The following CSMD1 variants were observed in gnomAD, a reference collection of about 807,000 sequenced individuals.
CSMD1 encodes CUB and Sushi multiple domains 1, also known as CUB and sushi domain-containing protein 1.
CSMD1 carries 213 observed loss-of-function variants against 417.5 expected under a neutral mutation model. The ratio of observed to expected loss-of-function variants is 0.51; its 90% confidence interval spans 0.46 to 0.57. The LOEUF (loss-of-function observed/expected upper bound fraction) is 0.57. CSMD1 is among the 20% of genes least tolerant of loss of function. The pLI is 0.00. For missense variants in CSMD1, 6,923 were observed against 4,529.7 expected, an observed-to-expected ratio of 1.53 and a Z score of -15.17; for synonymous variants, 2,862 against 1,736.8, an observed-to-expected ratio of 1.65 and a Z score of -16.11.
chr8:3,547,452 C>T (rs559237868), intron 10 of CSMD1, among the ~76,000 whole-genome samples: 1 of 152,220 alleles, frequency 6.6e-6, no homozygotes, highest in African/African-American at 2.4e-5. Flanking sequence ...ATAAACGGAT[C>T]AGTAGGTCAA....
chr8:4,262,569 C>G (rs141234114), intron 3 of CSMD1, among the ~76,000 whole-genome samples: 1 of 152,126 alleles, frequency 6.6e-6, no homozygotes, highest in Non-Finnish European at 1.5e-5. Flanking sequence ...GGGACACACA[C>G]GGAGGAAACT....
At chr8:3,696,185 G>A (rs1800542520) in intron 7 of CSMD1, among the ~76,000 whole-genome samples, 1 of 152,184 alleles carries the variant, frequency 6.6e-6, no homozygotes, top group African/African-American at 2.4e-5. Context: ...CATGGTTGAT[G>A]TTATTCCATA....
chr8:4,532,573 C>T (rs544964874), intron 2 of CSMD1, among the ~76,000 whole-genome samples: 4 of 147,972 alleles, frequency 2.7e-5, no homozygotes, highest in African/African-American at 7.6e-5. Context: ...AGAAATCCTG[C>T]ACCCCCATTC....
intron 3 of CSMD1, among the ~76,000 whole-genome samples, chr8:4,246,184 C>T (rs1248570013): frequency 6.6e-6 from 1 of 152,126 alleles, no homozygotes; most frequent in Non-Finnish European, 1.5e-5. Context: ...AATATTCCAT[C>T]CTCCAAAAGG....
At chr8:3,829,327 C>G (rs1802237995) in intron 5 of CSMD1, among the ~76,000 whole-genome samples, 1 of 152,166 alleles carries the variant, frequency 6.6e-6, no homozygotes, top group Admixed American at 6.6e-5. Context: ...AATCACCTTT[C>G]CATAACCAGG....
chr8:4,800,982 C>T (rs979925438), intron 1 of CSMD1, among the ~76,000 whole-genome samples: 2 of 152,120 alleles, frequency 1.3e-5, no homozygotes, highest in Non-Finnish European at 2.9e-5. Context: ...AGTTTTATCC[C>T]AAGTTGTAAG....
chr8:3,773,275 G>A (rs1445226146), intron 5 of CSMD1, among the ~76,000 whole-genome samples: 1 of 152,158 alleles, frequency 6.6e-6, no homozygotes, highest in South Asian at 2.1e-4. Context: ...ATAATTTGGG[G>A]ATATAATAGG....
At chr8:3,254,540 A>T (rs1004303098) in intron 26 of CSMD1, among the ~76,000 whole-genome samples, 1 of 152,292 alleles carries the variant, frequency 6.6e-6, no homozygotes, top group Middle Eastern at 3.4e-3. Flanking sequence ...GTCTTTTCAC[A>T]TAGTCCCATA....
intron 50 of CSMD1, among the ~76,000 whole-genome samples, chr8:3,030,754 G>C (rs1265894522): frequency 2.0e-5 from 3 of 151,870 alleles, no homozygotes; most frequent in African/African-American, 7.3e-5. Context: ...CAAAGTGCTG[G>C]GATTACAGGA....
intron 5 of CSMD1, among the ~76,000 whole-genome samples, chr8:3,987,110 A>G (rs2627387): frequency 3.9e-5 from 6 of 151,956 alleles, no homozygotes; most frequent in Non-Finnish European, 5.9e-5. Flanking sequence ...CTTTCTCCCA[A>G]CTTACTGGAA....
At chr8:3,292,934 C>T (rs919803491) in intron 25 of CSMD1, among the ~76,000 whole-genome samples, 2 of 151,970 alleles carry the variant, frequency 1.3e-5, no homozygotes, top group African/African-American at 2.4e-5. Flanking sequence ...ATGGTCTTTA[C>T]ATTTTGGCAT....
At chr8:4,951,847 A>C (rs568275311) in intron 1 of CSMD1, among the ~76,000 whole-genome samples, 1 of 54,540 alleles carries the variant, frequency 1.8e-5, no homozygotes, top group Non-Finnish European at 5.0e-5. Context: ...AACAAAGTTA[A>C]TACACTGAAG....
intron 2 of CSMD1, among the ~76,000 whole-genome samples, chr8:4,525,087 C>A: frequency 6.6e-6 from 1 of 152,110 alleles, no homozygotes; most frequent in Admixed American, 6.5e-5. Flanking sequence ...AATACATCAA[C>A]CTTTCTGAAA....
chr8:3,689,321 T>C (rs1366310603), intron 7 of CSMD1, among the ~76,000 whole-genome samples: 1 of 152,152 alleles, frequency 6.6e-6, no homozygotes, highest in Admixed American at 6.6e-5. Flanking sequence ...CTCCAGATGA[T>C]CTAGTTAACT....
At chr8:4,959,911 C>G (rs1056018083) in intron 1 of CSMD1, among the ~76,000 whole-genome samples, 1 of 152,116 alleles carries the variant, frequency 6.6e-6, no homozygotes, top group African/African-American at 2.4e-5. Context: ...ACAATCTTCC[C>G]TATTTTCTGC....
At chr8:2,977,687 A>G (rs1161184787) in intron 55 of CSMD1, among the ~76,000 whole-genome samples, 1 of 152,224 alleles carries the variant, frequency 6.6e-6, no homozygotes, top group Non-Finnish European at 1.5e-5. Context: ...CCATCTGACA[A>G]AGGTCTAATA....
At chr8:4,072,589 G>T (rs1799616498) in intron 3 of CSMD1, among the ~76,000 whole-genome samples, 1 of 152,136 alleles carries the variant, frequency 6.6e-6, no homozygotes, top group South Asian at 2.1e-4. Flanking sequence ...AGGTTCTGTG[G>T]TTGTATGTGT....
rs143374351 is a variant in CSMD1 at position 4,140,827 on chromosome 8, C to T, written c.416-108728G>A. 6.2e-4 allele frequency among the ~76,000 whole-genome samples: 94 copies of T among 151,066 alleles called. 2 individuals are homozygous for T. Among genetic ancestry groups the T allele is most frequent in the African/African-American group, 2.2e-3 (89 of 40,408 alleles). On this transcript the variant is annotated intron_variant, in intron 3 of 69. Transcript: ENST00000635120. ...AGCGTGTAAATGGGCTCAGCACCCT[C>T]ACTCCAGGTTTCAAATCAAATCTCT...
intron 7 of CSMD1, among the ~76,000 whole-genome samples, chr8:3,671,583 A>T (rs28581253): frequency 8.9e-6 from 1 of 111,802 alleles, no homozygotes; most frequent in Admixed American, 9.5e-5. Context: ...ATATATATAT[A>T]TATATATATA....
Sources: allele counts gnomAD v4.1 joint callset (sites outside exome capture counted in the v4.1 genomes callset), GRCh38; gene constraint gnomAD v4.1.1; transcripts MANE v1.5; gene names NCBI Gene and HGNC (gene_info 2026-07-23, HGNC 2026-07-21).